CLCA4: variants seen among roughly 807,000 people sequenced by gnomAD.
CLCA4 encodes chloride channel accessory 4, also known as calcium-activated chloride channel regulator 4.
Under a neutral mutation model 78.9 loss-of-function variants are expected in CLCA4, and 69 were observed. That is an observed-to-expected ratio of 0.87 (90% confidence interval 0.72 to 1.07). The LOEUF is 1.07. Among genes scored for constraint, CLCA4 ranks in the 50% least tolerant of loss-of-function variants. The pLI, the probability that CLCA4 is intolerant of heterozygous loss-of-function variation, is 0.00. For missense variants in CLCA4, 1,133 were observed against 1,095.8 expected (o/e 1.03, Z -0.48); for synonymous variants, 362 against 375.8 (o/e 0.96, Z 0.42).
intron 4 of CLCA4, among the ~76,000 whole-genome samples, chr1:86,564,963 C>A (rs1380405549): frequency 6.6e-6 from 1 of 152,054 alleles, no homozygotes; most frequent in African/African-American, 2.4e-5. Flanking sequence ...GTCCCTATAG[C>A]ATATTTACCA....
Position 86,560,113 on chromosome 1 carries a change from A to T in CLCA4, c.300+41A>T, listed in dbSNP as rs925520758. On this transcript the variant is annotated intron_variant, in intron 2 of 13. Transcript: ENST00000370563. The stretch of plus-strand genomic sequence containing the variant: ...TTCTCTTAAAAAATTATATTTTCTG[A>T]TATTAACCATTTTTGCCACAAATTA... The T allele has an allele frequency of 7.1e-6, 11 of 1,554,710 alleles. No individual in the cohort carries two copies. In the South Asian group the frequency reaches 1.4e-4, roughly 19 times the overall value.
At chr1:86,547,358 T>A in intron 1 of CLCA4, 80 bp downstream of exon 1, 1 of 1,115,876 alleles carries the variant, frequency 9.0e-7, no homozygotes, top group Non-Finnish European at 1.2e-6. Context: ...TGTACATATT[T>A]ATGGCATACA....
Position 86,575,654 on chromosome 1 carries a change from G to C in CLCA4, c.1951+55G>C, listed in dbSNP as rs937272884. ...ATATTTTCCTAATTCAGCATGTTGT[G>C]AGTCCCTGTGGCATTGTGGAGCAGT... On this transcript the variant is annotated intron_variant, in intron 11 of 13. Coordinates refer to ENST00000370563, the MANE Select transcript of CLCA4 (RefSeq NM_012128.4). 3.4e-6 allele frequency: 5 copies of C among 1,491,206 alleles called. No homozygotes were observed. The Admixed American group carries it at 8.7e-5, about 26-fold the overall frequency. 92.4% of individuals were successfully genotyped at this position (1,491,206 alleles called of 1,614,324 possible).
chr1:86,565,134 T>G, intron 4 of CLCA4, 140 bp from the exon 5 acceptor site: 2 of 558,788 alleles, frequency 3.6e-6, no homozygotes, highest in Non-Finnish European at 6.2e-6. Context: ...CCTTAAACCC[T>G]ATAGCCAGGA....
At chr1:86,567,106 TAGAC>T (rs1488173072) in intron 6 of CLCA4, among the ~76,000 whole-genome samples, 1 of 151,814 alleles carries the variant, frequency 6.6e-6, no homozygotes, top group Non-Finnish European at 1.5e-5. Context: ...CAAGAGTAAT[TAGAC>T]AGTCTCTAAG....
rs751824316 is a variant in CLCA4, at chr1:86,572,608, T to C, written c.1361-6T>C. 6.5e-7 allele frequency: 1 copy of C among 1,548,130 alleles called. No homozygotes were observed. Among genetic ancestry groups the C allele is most frequent in the Non-Finnish European group, 8.9e-7 (1 of 1,121,308 alleles). Reference sequence around the variant, plus strand: ...AAGCAGTCTAATTAATGCATTTACATTTTAGGAGGAAGTCATTTTTATGTT... The same window carrying C: ...AAGCAGTCTAATTAATGCATTTACACTTTAGGAGGAAGTCATTTTTATGTT... On this transcript the variant is annotated splice_polypyrimidine_tract_variant and splice_region_variant and intron_variant, in intron 8 of 13. Transcript: ENST00000370563.
intron 5 of CLCA4, 85 bp downstream of exon 5, chr1:86,565,536 G>C: frequency 2.8e-6 from 3 of 1,063,160 alleles, no homozygotes; most frequent in Non-Finnish European, 4.1e-6. Context: ...GGTGACCTGA[G>C]GATTATATAT....
At chr1:86,554,758 T>C (rs1478486117) in intron 1 of CLCA4, among the ~76,000 whole-genome samples, 2 of 152,192 alleles carry the variant, frequency 1.3e-5, no homozygotes, top group African/African-American at 2.4e-5. Flanking sequence ...TTTTAGCTCT[T>C]TGAGGAATCA....
At chr1:86,564,736 C>T (rs915710297) in intron 4 of CLCA4, among the ~76,000 whole-genome samples, 46 of 152,086 alleles carry the variant, frequency 3.0e-4, no homozygotes, top group African/African-American at 1.0e-3. Flanking sequence ...AAAATGTCTC[C>T]ATCATTTTTT....
In CLCA4 at chr1:86,547,185, C is replaced by A. The variant is rs753110300; in HGVS notation, c.66C>A (p.Ser22=). Residue 22 remains serine, a synonymous_variant, in exon 1 of 14, where the codon TCC becomes TCA. Transcript: ENST00000370563. The part of the protein sequence containing the change: ...VLCLLHQSNT[S]FIKLNNNGFE... Reference sequence around the variant, plus strand: ...GCCTGCTGCACCAGTCAAATACTTCCTTCATTAAGCTGAATAATAATGGCT... The same window carrying A: ...GCCTGCTGCACCAGTCAAATACTTCATTCATTAAGCTGAATAATAATGGCT... The A allele has an allele frequency of 6.2e-7, 1 of 1,611,904 alleles. No homozygotes were observed. The highest frequency in any genetic ancestry group is 1.1e-5 in the South Asian group (1 of 90,592).
intron 1 of CLCA4, among the ~76,000 whole-genome samples, chr1:86,554,632 T>C (rs1028413608): frequency 6.6e-6 from 1 of 152,224 alleles, no homozygotes; most frequent in Non-Finnish European, 1.5e-5. Context: ...TCTTTGCTAT[T>C]GTGAATAGTG....
rs201840590 is a variant in CLCA4 at position 86,560,334 on chromosome 1, A to C, written c.424A>C (p.Lys142Gln). The C allele has an allele frequency of 2.2e-4, 359 of 1,613,822 alleles. 2 individuals carry two copies. In the Middle Eastern group the frequency reaches 3.0e-3, roughly 13 times the overall value. ...CACCCCTGACCTTCTACTTGGAAAA[A>C]AACAAAATGAATATGGACCACCAGG... The part of the protein sequence containing the change: ...HFTPDLLLGK[K>Q]QNEYGPPGKL... The change falls in exon 3 of 14, where the codon AAA becomes CAA. Residue 142 changes from lysine to glutamine, a missense_variant. Physicochemically the swap from Lys to Gln is moderately conservative, Grantham distance 53 (BLOSUM62 1). Transcript: ENST00000370563.
intron 11 of CLCA4, among the ~76,000 whole-genome samples, chr1:86,577,020 A>T (rs965866088): frequency 6.6e-6 from 1 of 152,240 alleles, no homozygotes; most frequent in Non-Finnish European, 1.5e-5. Context: ...TTATAATCAT[A>T]TCTTCAACTA....
rs771884268 is a variant in CLCA4 at position 86,579,381 on chromosome 1, C to A, written c.2150C>A (p.Pro717His). 6.8e-6 allele frequency: 11 copies of A among 1,613,052 alleles called. No homozygotes were observed. Among genetic ancestry groups the A allele is most frequent in the East Asian group, 2.2e-5 (1 of 44,838 alleles). ...NGEIEANPPR[P>H]EIDEDTQTTL... ...GAAATTGAAGCAAACCCGCCAAGAC[C>A]TGAAATTGATGAGGATACTCAGACC... The change falls in exon 13 of 14, where the codon CCT becomes CAT. Residue 717 changes from proline (P) to histidine (H), a missense_variant. Physicochemically the swap from Pro to His is moderately conservative, Grantham distance 77 (BLOSUM62 -2). Coordinates refer to ENST00000370563, the MANE Select transcript of CLCA4 (RefSeq NM_012128.4).
chr1:86,561,316 A>G (rs956910359), intron 3 of CLCA4, among the ~76,000 whole-genome samples: 6 of 152,322 alleles, frequency 3.9e-5, no homozygotes, highest in Admixed American at 2.6e-4. Context: ...TTCAACTACA[A>G]GTATAAATAG....
chr1:86,562,820 C>A (rs1159040736), intron 3 of CLCA4, among the ~76,000 whole-genome samples: 6 of 148,648 alleles, frequency 4.0e-5, no homozygotes, highest in African/African-American at 1.5e-4. Flanking sequence ...CGCCATTGCA[C>A]TCCAGCCCAG....
chr1:86,559,705 C>A (rs992162784), intron 1 of CLCA4, among the ~76,000 whole-genome samples: 1 of 152,170 alleles, frequency 6.6e-6, no homozygotes, highest in Non-Finnish European at 1.5e-5. Flanking sequence ...CAAGCATTTG[C>A]CTTTTAAGGC....
rs762696708 is a variant in CLCA4 at position 86,571,184 on chromosome 1, G to A, written c.1290G>A (p.Gly430=). The change falls in exon 8 of 14, where the codon GGG becomes GGA. Residue 430 remains glycine (G), a synonymous_variant. Coordinates refer to ENST00000370563, the MANE Select transcript of CLCA4 (RefSeq NM_012128.4). ...GTATTGATGAAGTGAAACAAAGTGG[G>A]GCCATTGTTCATTTTATTGCTTTGG... ...SSCIDEVKQS[G]AIVHFIALGR... The A allele has an allele frequency of 3.7e-6, 6 of 1,612,912 alleles. No homozygotes were observed. In the Admixed American group the frequency reaches 8.3e-5, roughly 22 times the overall value.
chr1:86,560,769 G>A (rs995776387), intron 3 of CLCA4, among the ~76,000 whole-genome samples: 2 of 152,204 alleles, frequency 1.3e-5, no homozygotes, highest in African/African-American at 4.8e-5. Flanking sequence ...AAGCTGGAAA[G>A]AGTCATGTTG....
Sources: gnomAD v4.1 joint callset for allele counts (sites outside exome capture counted in the v4.1 genomes callset) on GRCh38, gnomAD v4.1.1 for gene constraint, MANE v1.5 for transcripts, NCBI Gene and HGNC (gene_info 2026-07-23, HGNC 2026-07-21) for gene names.